TMEM163: variants seen among roughly 807,000 people sequenced by gnomAD.
TMEM163 encodes the protein transmembrane protein 163.
TMEM163 carries 17 observed loss-of-function variants against 29.3 expected under a neutral mutation model. The observed-to-expected ratio is 0.58, with a 90% confidence interval of 0.40 to 0.87. The LOEUF (loss-of-function observed/expected upper bound fraction) is 0.87. Ranked by LOEUF, TMEM163 falls within the 40% of genes least tolerant of loss-of-function variation. TMEM163 has a pLI of 0.00. For synonymous variants in TMEM163, 157 were observed against 160.6 expected, an observed-to-expected ratio of 0.98 and a Z score of 0.17; for missense variants, 303 against 381.5, an observed-to-expected ratio of 0.79 and a Z score of 1.71.
intron 4 of TMEM163, among the ~76,000 whole-genome samples, chr2:134,527,721 G>C (rs1680328174): frequency 6.6e-6 from 1 of 152,194 alleles, no homozygotes; most frequent in Non-Finnish European, 1.5e-5. Context: ...CTGGGAAAAT[G>C]ACAGGATTGA....
intron 2 of TMEM163, among the ~76,000 whole-genome samples, chr2:134,665,460 T>C (rs1168480470): frequency 6.6e-6 from 1 of 152,136 alleles, no homozygotes; most frequent in Non-Finnish European, 1.5e-5. Flanking sequence ...GTCCCTCCCA[T>C]GACACCTGGG....
intron 2 of TMEM163, among the ~76,000 whole-genome samples, chr2:134,574,314 C>T (rs541331362): frequency 6.6e-6 from 1 of 152,338 alleles, no homozygotes; most frequent in South Asian, 2.1e-4. Context: ...AATCCCAGCA[C>T]TTTGGGAGGC....
chr2:134,484,803 A>G (rs1679275076), intron 5 of TMEM163, among the ~76,000 whole-genome samples: 1 of 152,218 alleles, frequency 6.6e-6, no homozygotes, highest in African/African-American at 2.4e-5. Context: ...AGGGTCAACC[A>G]GAGTAGGAAG....
At chr2:134,479,804 G>A (rs910948374) in intron 5 of TMEM163, among the ~76,000 whole-genome samples, 18 of 152,198 alleles carry the variant, frequency 1.2e-4, no homozygotes, top group African/African-American at 4.3e-4. Flanking sequence ...CTCCAGCTCT[G>A]ATTAGGAGGC....
Position 134,673,574 on chromosome 2 carries a change from G to T in TMEM163, c.322+39626C>A, listed in dbSNP as rs1684040578. On this transcript the variant is annotated intron_variant, in intron 2 of 7. Transcript: ENST00000281924. ...TAAGCTAAGGATCCTGAGATGACGA[G>T]ATTAGCCCATATTTTCCAGGTGGAC... 2.6e-5 allele frequency among the ~76,000 whole-genome samples: 4 copies of T among 152,312 alleles called. No homozygotes were observed. The South Asian group carries it at 8.3e-4, about 32-fold the overall frequency.
At chr2:134,661,722 T>C (rs900185655) in intron 2 of TMEM163, among the ~76,000 whole-genome samples, 2 of 152,112 alleles carry the variant, frequency 1.3e-5, no homozygotes, top group Non-Finnish European at 2.9e-5. Context: ...TTACACATTA[T>C]GCAAATGTAC....
chr2:134,684,176 TC>T (rs1378976601), intron 2 of TMEM163, among the ~76,000 whole-genome samples: 4 of 152,108 alleles, frequency 2.6e-5, no homozygotes, highest in Non-Finnish European at 5.9e-5. Flanking sequence ...AACAAACAGC[TC>T]TTGGTCTTTG....
At chr2:134,530,945 G>A (rs1312013988) in intron 4 of TMEM163, among the ~76,000 whole-genome samples, 3 of 152,156 alleles carry the variant, frequency 2.0e-5, no homozygotes, top group Non-Finnish European at 4.4e-5. Flanking sequence ...AGGATTCAAG[G>A]AGAAACTGAC....
intron 2 of TMEM163, among the ~76,000 whole-genome samples, chr2:134,664,811 A>G (rs1683836171): frequency 6.6e-6 from 1 of 152,016 alleles, no homozygotes; most frequent in African/African-American, 2.4e-5. Flanking sequence ...GCCCTGTGAG[A>G]CTCGGCTCAG....
intron 5 of TMEM163, among the ~76,000 whole-genome samples, chr2:134,497,557 G>C (rs1679599092): frequency 6.6e-6 from 1 of 152,158 alleles, no homozygotes; most frequent in Non-Finnish European, 1.5e-5. Flanking sequence ...GCAAGGACGG[G>C]ACTTCTAGAA....
At chr2:134,711,455 C>A (rs1021710718) in intron 2 of TMEM163, among the ~76,000 whole-genome samples, 2 of 152,278 alleles carry the variant, frequency 1.3e-5, no homozygotes, top group East Asian at 3.9e-4. Flanking sequence ...TAACACAAAT[C>A]ATGATATTAT....
At chr2:134,659,796 C>T (rs868524270) in intron 2 of TMEM163, among the ~76,000 whole-genome samples, 65 of 152,040 alleles carry the variant, frequency 4.3e-4, no homozygotes, top group African/African-American at 1.5e-3. Context: ...ATTTAAAAAT[C>T]AGCTGGGGGT....
intron 2 of TMEM163, among the ~76,000 whole-genome samples, chr2:134,566,839 T>C (rs1267044080): frequency 6.6e-6 from 1 of 152,182 alleles, no homozygotes; most frequent in Non-Finnish European, 1.5e-5. Flanking sequence ...AAGAGAGTTG[T>C]TTAATAAATC....
chr2:134,485,211 G>C, intron 5 of TMEM163, among the ~76,000 whole-genome samples: 1 of 152,136 alleles, frequency 6.6e-6, no homozygotes, highest in East Asian at 1.9e-4. Flanking sequence ...AACGTATCCA[G>C]AACACTTACA....
intron 4 of TMEM163, among the ~76,000 whole-genome samples, chr2:134,524,030 C>T (rs1680241870): frequency 6.6e-6 from 1 of 152,214 alleles, no homozygotes; most frequent in Non-Finnish European, 1.5e-5. Context: ...AAACCCTGTT[C>T]TACTCCAATA....
At chr2:134,499,431 G>A (rs1046233597) in intron 5 of TMEM163, among the ~76,000 whole-genome samples, 3 of 152,222 alleles carry the variant, frequency 2.0e-5, no homozygotes, top group African/African-American at 7.2e-5. Flanking sequence ...CCACCTGCAG[G>A]TTGGGAGGCA....
chr2:134,541,851 G>A (rs1680679580), intron 4 of TMEM163, among the ~76,000 whole-genome samples: 1 of 151,972 alleles, frequency 6.6e-6, no homozygotes, highest in Non-Finnish European at 1.5e-5. Flanking sequence ...GTTATCCCTG[G>A]AAGTCCCCAT....
At chr2:134,525,918 A>C (rs1208588011) in intron 4 of TMEM163, among the ~76,000 whole-genome samples, 3 of 152,240 alleles carry the variant, frequency 2.0e-5, no homozygotes, top group Non-Finnish European at 4.4e-5. Flanking sequence ...GGCAACAAGG[A>C]GAACGGTTTG....
chr2:134,621,926 C>T (rs915860145), intron 2 of TMEM163, among the ~76,000 whole-genome samples: 1 of 151,836 alleles, frequency 6.6e-6, no homozygotes, highest in Non-Finnish European at 1.5e-5. Flanking sequence ...AAAAACTAAA[C>T]CCAATGTGGT....
Sources: allele counts gnomAD v4.1 joint callset (sites outside exome capture counted in the v4.1 genomes callset), GRCh38; gene constraint gnomAD v4.1.1; transcripts MANE v1.5; gene names NCBI Gene and HGNC (gene_info 2026-07-23, HGNC 2026-07-21).